AFDN: variants seen among roughly 807,000 people sequenced by gnomAD.
AFDN encodes afadin.
Under a neutral mutation model 216.6 loss-of-function variants are expected in AFDN, and 68 were observed. The observed-to-expected ratio is 0.31, with a 90% CI of 0.26 to 0.38. The LOEUF (loss-of-function observed/expected upper bound fraction) is 0.38, where lower values mean the gene tolerates loss of function less well. AFDN is among the 10% of genes least tolerant of loss of function. The probability of loss-of-function intolerance (pLI) is 1.00; values close to 1 mark genes in which losing one functional copy is unlikely to be tolerated. For missense variants in AFDN, 2,136 were observed against 2,342.0 expected, an observed-to-expected ratio of 0.91 and a Z score of 1.82; for synonymous variants, 868 against 853.7, an observed-to-expected ratio of 1.02 and a Z score of -0.29.
chr6:167,884,354 C>T (rs1786512964), intron 6 of AFDN, among the ~76,000 whole-genome samples: 1 of 152,174 alleles, frequency 6.6e-6, no homozygotes, highest in African/African-American at 2.4e-5. Context: ...ATGGTGAATA[C>T]TTTCCAGGTT....
At chr6:167,899,612 AG>A (rs1788694654) in intron 11 of AFDN, among the ~76,000 whole-genome samples, 1 of 152,154 alleles carries the variant, frequency 6.6e-6, no homozygotes, top group South Asian at 2.1e-4. Context: ...TTCAATCATC[AG>A]CTTTTCTTCA....
chr6:167,919,017 C>G, intron 21 of AFDN, 84 bp downstream of exon 21: 1 of 1,225,956 alleles, frequency 8.2e-7, no homozygotes, highest in Non-Finnish European at 1.2e-6. Flanking sequence ...ATAGGGTAGT[C>G]CACTTGTGTG....
At chr6:167,870,003 G>C (rs1292634957) in intron 2 of AFDN, among the ~76,000 whole-genome samples, 1 of 152,076 alleles carries the variant, frequency 6.6e-6, no homozygotes. Context: ...TAGAATCAGT[G>C]GAACTTCTGT....
At chr6:167,833,094 G>A (rs1171474680) in intron 1 of AFDN, among the ~76,000 whole-genome samples, 2 of 152,182 alleles carry the variant, frequency 1.3e-5, no homozygotes, top group East Asian at 1.9e-4. Flanking sequence ...GTGCCTGACT[G>A]ACCTAGGCTG....
intron 8 of AFDN, 61 bp downstream of exon 8, chr6:167,891,090 G>A: frequency 7.3e-7 from 1 of 1,374,320 alleles, no homozygotes; most frequent in Non-Finnish European, 9.6e-7. Flanking sequence ...TCAAATCTTT[G>A]TACTTTCTAA....
chr6:167,894,422 G>A (rs1433830752), intron 9 of AFDN, among the ~76,000 whole-genome samples: 1 of 152,168 alleles, frequency 6.6e-6, no homozygotes, highest in Non-Finnish European at 1.5e-5. Flanking sequence ...TAGAATACTT[G>A]TTGAGGAAGG....
At chr6:167,879,681 T>A (rs1212479936) in intron 5 of AFDN, among the ~76,000 whole-genome samples, 1 of 152,184 alleles carries the variant, frequency 6.6e-6, no homozygotes, top group Non-Finnish European at 1.5e-5. Flanking sequence ...AAAGAAAATG[T>A]CAGGATATCC....
intron 32 of AFDN, chr6:167,968,365 T>TGTCC (rs1386659902): frequency 5.9e-5 from 9 of 152,364 alleles, no homozygotes; most frequent in African/African-American, 2.2e-4. Context: ...AAGGCAGCTG[T>TGTCC]GTCCCGTCTG....
At position 167,965,877 on chromosome 6, in the gene AFDN, C is replaced by A; in HGVS notation, c.5089C>A (p.Arg1697=). The A allele has an allele frequency of 6.5e-7, 1 of 1,548,932 alleles. No homozygotes were observed. The highest frequency in any genetic ancestry group is 8.7e-7 in the Non-Finnish European group (1 of 1,146,448). Reference sequence around the variant, plus strand: ...CGGTCTGTGCCGCCCTCCGCTTCCCCGGGACTACGAGCCCCCGTCCCCGTC... The same window carrying A: ...CGGTCTGTGCCGCCCTCCGCTTCCCAGGGACTACGAGCCCCCGTCCCCGTC... ...APGLCRPPLP[R]DYEPPSPSPA... Residue 1697 remains arginine (R), a synonymous_variant, in exon 32 of 34, where the codon CGG becomes AGG. Coordinates refer to ENST00000683244, the MANE Select transcript of AFDN (RefSeq NM_001386888.1).
At chr6:167,853,151 A>G (rs1782502285) in intron 1 of AFDN, among the ~76,000 whole-genome samples, 1 of 152,054 alleles carries the variant, frequency 6.6e-6, no homozygotes, top group African/African-American at 2.4e-5. Context: ...GGGGAGAAAA[A>G]TCTGTATATT....
intron 1 of AFDN, among the ~76,000 whole-genome samples, chr6:167,836,030 A>G (rs573829087): frequency 1.2e-3 from 177 of 152,294 alleles, no homozygotes; most frequent in Admixed American, 6.1e-3. Flanking sequence ...CGCATTATAT[A>G]TTTTCTGTAT....
chr6:167,898,927 A>C (rs1262406063), intron 11 of AFDN, among the ~76,000 whole-genome samples: 1 of 152,236 alleles, frequency 6.6e-6, no homozygotes, highest in Non-Finnish European at 1.5e-5. Flanking sequence ...AAGGGAAAAC[A>C]GAAAGCCTTT....
intron 16 of AFDN, chr6:167,913,687 C>T: frequency 3.9e-6 from 2 of 509,148 alleles, no homozygotes; most frequent in East Asian, 6.6e-5. Flanking sequence ...GGTTCCTATT[C>T]TTTGGATCTC....
At chr6:167,939,650 T>C (rs1438355578) in intron 23 of AFDN, among the ~76,000 whole-genome samples, 1 of 152,178 alleles carries the variant, frequency 6.6e-6, no homozygotes, top group Non-Finnish European at 1.5e-5. Context: ...GTGAATGAAA[T>C]TGTCGTTTAA....
intron 1 of AFDN, among the ~76,000 whole-genome samples, chr6:167,840,497 G>T (rs1399786942): frequency 6.6e-6 from 1 of 152,222 alleles, no homozygotes; most frequent in Non-Finnish European, 1.5e-5. Flanking sequence ...TGTGTCCCAT[G>T]CTGGGGCTCA....
At chr6:167,847,227 G>A (rs1018478332) in intron 1 of AFDN, among the ~76,000 whole-genome samples, 1 of 151,990 alleles carries the variant, frequency 6.6e-6, no homozygotes, top group African/African-American at 2.4e-5. Context: ...CTGTTGCCCA[G>A]ACCTCAGGGT....
intron 1 of AFDN, among the ~76,000 whole-genome samples, chr6:167,844,863 T>TTG (rs1781475071): frequency 2.1e-5 from 3 of 146,028 alleles, no homozygotes; most frequent in African/African-American, 7.6e-5. Flanking sequence ...TTTTTTTTTT[T>TTG]TTTTTTTGGT....
chr6:167,895,553 C>T lies in AFDN; in HGVS notation c.1223-1325C>T, dbSNP rs539388873. On this transcript the variant is annotated intron_variant, in intron 9 of 33. Transcript: ENST00000683244. ...CTCATCTTACCTTTACTCGATGTCACAGATTTCTGAAGTATTTCAGAAATA... is the reference window on the plus strand; with the variant it reads ...CTCATCTTACCTTTACTCGATGTCATAGATTTCTGAAGTATTTCAGAAATA... 3.3e-5 allele frequency among the ~76,000 whole-genome samples: 5 copies of T among 152,296 alleles called. No homozygotes were observed. In the South Asian group the frequency reaches 1.0e-3, roughly 32 times the overall value.
chr6:167,944,876 G>A (rs1365400814), intron 26 of AFDN, among the ~76,000 whole-genome samples: 3 of 152,026 alleles, frequency 2.0e-5, no homozygotes, highest in African/African-American at 7.2e-5. Context: ...CTCTGGGTGC[G>A]TCCACGAGTG....
Sources: allele counts gnomAD v4.1 joint callset (sites outside exome capture counted in the v4.1 genomes callset), GRCh38; gene constraint gnomAD v4.1.1; transcripts MANE v1.5; gene names NCBI Gene and HGNC (gene_info 2026-07-23, HGNC 2026-07-21).